Variants in IL3RA observed in about 807,000 individuals in gnomAD.
IL3RA encodes the protein interleukin 3 receptor subunit alpha, also known as interleukin-3 receptor subunit alpha.
In IL3RA, 73 loss-of-function variants were observed where a neutral mutation model predicts 52.3. The ratio of observed to expected loss-of-function variants is 1.40; its 90% CI spans 1.16 to 1.70. The LOEUF is 1.70. Among genes scored for constraint, IL3RA ranks in the 40% most tolerant of loss-of-function variants. IL3RA has a pLI of 0.00. For missense variants in IL3RA, 664 were observed against 504.4 expected (o/e 1.32, Z -3.03); for synonymous variants, 260 against 194.0 (o/e 1.34, Z -2.83).
chrX:1,343,780 T>G (rs1282395920), intron 2 of IL3RA, among the ~76,000 whole-genome samples: 1 of 150,420 alleles, frequency 6.6e-6, no homozygotes, highest in Non-Finnish European at 1.5e-5. Context: ...TCTTTCTTTT[T>G]TTTTTTTTTG....
chrX:1,377,414 T>A (rs1373570962), intron 9 of IL3RA, among the ~76,000 whole-genome samples: 6 of 151,970 alleles, frequency 3.9e-5, no homozygotes, highest in African/African-American at 1.2e-4. Flanking sequence ...CTACTGTTTG[T>A]ATTTTTATTA....
intron 11 of IL3RA, among the ~76,000 whole-genome samples, chrX:1,381,786 C>G (rs1335732625): frequency 6.6e-6 from 1 of 151,292 alleles, no homozygotes; most frequent in African/African-American, 2.4e-5. Flanking sequence ...TTGTGATCCC[C>G]CTGCCTCGGC....
intron 4 of IL3RA, among the ~76,000 whole-genome samples, chrX:1,349,608 G>A (rs1433633749): frequency 6.6e-6 from 1 of 152,002 alleles, no homozygotes; most frequent in Non-Finnish European, 1.5e-5. Context: ...CACCACGCCT[G>A]GCCTCTTCTT....
chrX:1,381,481 T>C (rs183214201), intron 11 of IL3RA, among the ~76,000 whole-genome samples: 1,580 of 150,730 alleles, frequency 0.01, 29 homozygotes, highest in African/African-American at 0.036. Context: ...GACACTGGGC[T>C]CCCAGCCCAC....
chrX:1,349,901 C>T (rs1189617407), intron 4 of IL3RA, among the ~76,000 whole-genome samples: 1 of 151,914 alleles, frequency 6.6e-6, no homozygotes, highest in Admixed American at 6.6e-5. Flanking sequence ...ATCCACCCGC[C>T]TCAGCCTCCC....
At chrX:1,342,600 G>T (rs1343213088) in intron 2 of IL3RA, among the ~76,000 whole-genome samples, 1 of 133,718 alleles carries the variant, frequency 7.5e-6, no homozygotes, top group Non-Finnish European at 1.5e-5. Context: ...CATTCTGGTC[G>T]CCCAGGCTGG....
intron 9 of IL3RA, among the ~76,000 whole-genome samples, chrX:1,368,529 G>T (rs1426697226): frequency 6.6e-6 from 1 of 152,168 alleles, no homozygotes; most frequent in Non-Finnish European, 1.5e-5. Context: ...CAAAATTCGT[G>T]TGTTGAAGCT....
At chrX:1,342,872 C>T (rs1238108197) in intron 2 of IL3RA, among the ~76,000 whole-genome samples, 12 of 150,506 alleles carry the variant, frequency 8.0e-5, no homozygotes, top group Admixed American at 2.0e-4. Flanking sequence ...GTCAGGAGTT[C>T]GTGACCAGCC....
intron 1 of IL3RA, among the ~76,000 whole-genome samples, chrX:1,340,451 C>G (rs1224410653): frequency 6.6e-6 from 1 of 152,158 alleles, no homozygotes; most frequent in Non-Finnish European, 1.5e-5. Context: ...GGCTGACACA[C>G]ACACAGATGC....
chrX:1,356,024 T>C (rs2086677932), intron 6 of IL3RA, among the ~76,000 whole-genome samples, 197 bp from the exon 7 acceptor site: 1 of 152,084 alleles, frequency 6.6e-6, no homozygotes, highest in South Asian at 2.1e-4. Context: ...CTCCTCCCAG[T>C]GCCCCCAACG....
chrX:1,382,213 T>C (rs2089209636), intron 11 of IL3RA, among the ~76,000 whole-genome samples, 178 bp from the exon 12 acceptor site: 1 of 148,252 alleles, frequency 6.7e-6, no homozygotes, highest in Admixed American at 6.6e-5. Context: ...CCTCCCAAAG[T>C]GCTGGGATTA....
chrX:1,382,459 A>C lies in IL3RA; in HGVS notation c.1131A>C (p.Lys377Asn). Residue 377 changes from lysine (K) to asparagine (N), a missense_variant, in exon 12 of 12, where the codon AAA (lysine) becomes AAC (asparagine). By Grantham distance (94) the Lys-to-Asn change is moderately conservative. Transcript: ENST00000331035. ...TGACTGAAGTACAGGTCGTGCAGAA[A>C]ACTTGAGACTGGGGTTCAGGGCTTG... ...CLVTEVQVVQ[K>N]T 3.1e-6 allele frequency: 5 copies of C among 1,613,770 alleles called. No homozygotes were observed. Among genetic ancestry groups the C allele is most frequent in the Non-Finnish European group, 4.2e-6 (5 of 1,179,790 alleles).
At chrX:1,344,307 A>ATG (rs2085631291) in intron 2 of IL3RA, among the ~76,000 whole-genome samples, 1 of 148,836 alleles carries the variant, frequency 6.7e-6, no homozygotes, top group African/African-American at 2.5e-5. Context: ...GGTGGCAGGC[A>ATG]CCTGTTATCC....
intron 6 of IL3RA, among the ~76,000 whole-genome samples, chrX:1,354,576 G>T: frequency 8.1e-6 from 1 of 123,636 alleles, no homozygotes; most frequent in Non-Finnish European, 1.7e-5. Context: ...AGGAGGAAGA[G>T]AAGAAAACGG....
intron 8 of IL3RA, among the ~76,000 whole-genome samples, chrX:1,362,270 CTT>C (rs1190179534): frequency 1.3e-5 from 2 of 151,170 alleles, no homozygotes; most frequent in African/African-American, 4.9e-5. Flanking sequence ...TTTTCTGTCT[CTT>C]TTTCTCTTTC....
In IL3RA at chrX:1,363,523, T is replaced by C. The variant is rs748674573; in HGVS notation, c.760-1615T>C. 3.0e-3 allele frequency among the ~76,000 whole-genome samples: 457 copies of C among 150,640 alleles called. 4 individuals carry two copies. The highest frequency in any genetic ancestry group is 9.8e-3 in the African/African-American group (402 of 41,072). On this transcript the variant is annotated intron_variant, in intron 8 of 11. Coordinates refer to ENST00000331035, the MANE Select transcript of IL3RA (RefSeq NM_002183.4). ...CACTGTGGTCTCGATCTCCTGACCT[T>C]GTGATCTGCCCGCCTTGGCCCTCCA...
intron 6 of IL3RA, among the ~76,000 whole-genome samples, chrX:1,354,101 ATCATGGG>A (rs1175590953): frequency 4.1e-5 from 6 of 147,916 alleles, no homozygotes; most frequent in African/African-American, 1.0e-4. Flanking sequence ...GGAATCCCTC[ATCATGGG>A]TCATGGGTCC....
intron 2 of IL3RA, among the ~76,000 whole-genome samples, chrX:1,343,990 T>C (rs1359541458): frequency 6.6e-6 from 1 of 151,750 alleles, no homozygotes; most frequent in Non-Finnish European, 1.5e-5. Flanking sequence ...GCGACGGGGT[T>C]TCACCGTGTT....
intron 8 of IL3RA, among the ~76,000 whole-genome samples, chrX:1,364,374 C>T (rs548713072): frequency 2.0e-5 from 3 of 151,796 alleles, no homozygotes; most frequent in Admixed American, 6.6e-5. Context: ...GCCTGTAATC[C>T]CAGCTACTCG....
Sources: allele counts gnomAD v4.1 joint callset (sites outside exome capture counted in the v4.1 genomes callset), GRCh38; gene constraint gnomAD v4.1.1; transcripts MANE v1.5; gene names NCBI Gene and HGNC (gene_info 2026-07-23, HGNC 2026-07-21).